Variants in COL15A1 observed in about 807,000 individuals in gnomAD.
COL15A1 encodes collagen type XV alpha 1 chain.
COL15A1 carries 111 observed loss-of-function variants against 165.9 expected under a neutral mutation model. The observed-to-expected ratio is 0.67, with a 90% confidence interval of 0.57 to 0.78. The LOEUF (loss-of-function observed/expected upper bound fraction) is 0.78, where lower values mean the gene tolerates loss of function less well. Among genes scored for constraint, COL15A1 ranks in the 30% least tolerant of loss-of-function variants. The pLI, the probability that COL15A1 is intolerant of heterozygous loss-of-function variation, is 0.00. For synonymous variants in COL15A1, 659 were observed against 674.8 expected (o/e 0.98, Z 0.36); for missense variants, 1,745 against 1,789.7 (o/e 0.98, Z 0.45).
At chr9:98,998,472 A>G (rs1400955254) in intron 6 of COL15A1, among the ~76,000 whole-genome samples, 1 of 152,192 alleles carries the variant, frequency 6.6e-6, no homozygotes, top group African/African-American at 2.4e-5. Flanking sequence ...GGGGAGAGTC[A>G]GACAGCTTGG....
chr9:98,992,421 G>A (rs777963399), intron 5 of COL15A1, among the ~76,000 whole-genome samples: 1 of 152,208 alleles, frequency 6.6e-6, no homozygotes, highest in Non-Finnish European at 1.5e-5. Flanking sequence ...CCGAGCCCAC[G>A]CCTACTTGGA....
At chr9:99,028,513 C>G (rs768598900) in intron 16 of COL15A1, among the ~76,000 whole-genome samples, 3 of 152,002 alleles carry the variant, frequency 2.0e-5, no homozygotes, top group Non-Finnish European at 4.4e-5. Context: ...TAGCCGGGCG[C>G]AGTGGCACAA....
chr9:98,967,917 C>G (rs1184672958), intron 2 of COL15A1, among the ~76,000 whole-genome samples: 1 of 152,226 alleles, frequency 6.6e-6, no homozygotes, highest in African/African-American at 2.4e-5. Flanking sequence ...GGCCTCAGCC[C>G]AGGGTTTCTG....
At chr9:99,030,962 T>C (rs1839206004) in intron 16 of COL15A1, among the ~76,000 whole-genome samples, 1 of 152,230 alleles carries the variant, frequency 6.6e-6, no homozygotes, top group Non-Finnish European at 1.5e-5. Context: ...TGGAGTCATG[T>C]TTCCACTGCA....
At chr9:98,989,307 G>A in intron 5 of COL15A1, 49 bp downstream of exon 5, 1 of 1,473,354 alleles carries the variant, frequency 6.8e-7, no homozygotes, top group South Asian at 1.2e-5. Context: ...CTTTTAGCAG[G>A]CTGAGAATTA....
At position 99,024,287 on chromosome 9, in the gene COL15A1, T is replaced by G. The variant is rs560931637; in HGVS notation, c.1855-587T>G. Among the ~76,000 whole-genome samples, 68 of 136,232 alleles carry G rather than the reference T, an allele frequency of 5.0e-4. 2 individuals are homozygous for G. The highest frequency in any genetic ancestry group is 8.3e-4 in the Non-Finnish European group (51 of 61,422). The allele number at this position is 136,232 out of a possible 152,430, so 89.4% of individuals were successfully genotyped here. A position where few individuals can be genotyped will look rare whatever the true frequency, so the allele number is the denominator to read the frequency against. ...CAAGCAGTTTTTTTTGTTTTTTTGTTTTTTTTTTTTTGAGATGGAGTCTTG... is the reference window on the plus strand; with the variant it reads ...CAAGCAGTTTTTTTTGTTTTTTTGTGTTTTTTTTTTTGAGATGGAGTCTTG... On this transcript the variant is annotated intron_variant, in intron 14 of 41. Transcript: ENST00000375001.
chr9:98,985,617 G>A lies in COL15A1; in HGVS notation c.153G>A (p.Leu51=). The A allele has an allele frequency of 6.2e-7, 1 of 1,614,258 alleles. No individual in the cohort carries two copies. The change falls in exon 3 of 42, where the codon CTG becomes CTA. Residue 51 remains leucine (L), a synonymous_variant. Transcript: ENST00000375001. ...TCACGCAGCTCATCGGTGTCCCGCTGCCCTCGTCCGTATCCTTTGTCACAG... is the reference window on the plus strand; with the variant it reads ...TCACGCAGCTCATCGGTGTCCCGCTACCCTCGTCCGTATCCTTTGTCACAG... ...LDLTQLIGVP[L]PSSVSFVTGY... is the part of the protein sequence containing the mutation.
chr9:99,008,115 C>A (rs1305893626), intron 9 of COL15A1, among the ~76,000 whole-genome samples: 2 of 152,030 alleles, frequency 1.3e-5, no homozygotes, highest in Non-Finnish European at 2.9e-5. Context: ...GCCATATAGG[C>A]TCCTCTTTTT....
chr9:98,975,085 A>G (rs934811009), intron 2 of COL15A1, among the ~76,000 whole-genome samples: 2 of 152,158 alleles, frequency 1.3e-5, no homozygotes, highest in African/African-American at 4.8e-5. Context: ...TCCCGTAGAG[A>G]CCGCCAGGAG....
At chr9:98,953,974 A>G (rs1348583457) in intron 2 of COL15A1, among the ~76,000 whole-genome samples, 2 of 151,990 alleles carry the variant, frequency 1.3e-5, no homozygotes, top group East Asian at 3.9e-4. Flanking sequence ...TGTCCCAGGC[A>G]CTCTCTGGAG....
chr9:99,004,218 C>T (rs1455818067), intron 8 of COL15A1, among the ~76,000 whole-genome samples: 1 of 152,100 alleles, frequency 6.6e-6, no homozygotes, highest in Non-Finnish European at 1.5e-5. Context: ...CCAGAAAGAT[C>T]ACTCTGACTA....
At chr9:99,027,085 G>A (rs1216133553) in intron 16 of COL15A1, among the ~76,000 whole-genome samples, 1 of 152,210 alleles carries the variant, frequency 6.6e-6, no homozygotes, top group Non-Finnish European at 1.5e-5. Flanking sequence ...TACCTGGGGC[G>A]TGTATGTGTA....
chr9:99,007,231 C>T (rs1311754226), intron 9 of COL15A1, among the ~76,000 whole-genome samples: 10 of 152,132 alleles, frequency 6.6e-5, no homozygotes, highest in Admixed American at 6.5e-4. Context: ...TCTGTCTGTC[C>T]TTTGTCTGTA....
chr9:99,056,026 A>G (rs957661013), intron 34 of COL15A1, among the ~76,000 whole-genome samples: 2 of 152,210 alleles, frequency 1.3e-5, no homozygotes, highest in African/African-American at 2.4e-5. Context: ...ATGATCTCCA[A>G]GGTCCCTTCT....
intron 40 of COL15A1, 82 bp downstream of exon 40, chr9:99,067,149 A>T: frequency 3.3e-6 from 4 of 1,209,562 alleles, no homozygotes; most frequent in Non-Finnish European, 4.7e-6. Flanking sequence ...TCCTGACATC[A>T]ACAGAAGACT....
intron 19 of COL15A1, 76 bp downstream of exon 19, chr9:99,035,494 C>A: frequency 1.3e-6 from 2 of 1,578,110 alleles, no homozygotes; most frequent in Non-Finnish European, 1.7e-6. Context: ...TGGGCTGCAT[C>A]CCGGCTCTGC....
At chr9:98,973,687 T>C (rs991583261) in intron 2 of COL15A1, among the ~76,000 whole-genome samples, 1 of 152,222 alleles carries the variant, frequency 6.6e-6, no homozygotes, top group Non-Finnish European at 1.5e-5. Flanking sequence ...CTGAGCACAG[T>C]GCTCCTTGCC....
In COL15A1 at chr9:99,000,927, CT is replaced by C; in HGVS notation, c.1043del (p.Phe348SerfsTer10). ...CTGACAGCGGCTCAGGGGCTGGGGC[CT>C]TCCTTGACATTGCTGAAGAAAAGGT... Reference protein sequence around the residue: ...ITDSGSGAGAFLDIAEEKNLA... With the variant: ...ITDSGSGAGAXLDIAEEKNLA... On this transcript the variant is annotated frameshift_variant, in exon 7 of 42. Coordinates refer to ENST00000375001, the MANE Select transcript of COL15A1 (RefSeq NM_001855.5). LOFTEE classifies it high-confidence loss of function. 1.3e-6 allele frequency: 2 copies of C among 1,567,046 alleles called. No homozygotes were observed. The highest frequency in any genetic ancestry group is 1.8e-6 in the Non-Finnish European group (2 of 1,137,024).
At chr9:99,024,831 C>T (rs373958441) in intron 14 of COL15A1, 43 bp from the exon 15 acceptor site, 41 of 1,588,718 alleles carry the variant, frequency 2.6e-5, no homozygotes, top group Non-Finnish European at 3.3e-5. Flanking sequence ...GTATCTCATT[C>T]GGTATTCCCC....
Sources: allele counts gnomAD v4.1 joint callset (sites outside exome capture counted in the v4.1 genomes callset), GRCh38; gene constraint gnomAD v4.1.1; transcripts MANE v1.5; gene names NCBI Gene and HGNC (gene_info 2026-07-23, HGNC 2026-07-21).